MACROD2: variants seen among roughly 807,000 people sequenced by gnomAD.
MACROD2 encodes the protein mono-ADP ribosylhydrolase 2, also known as ADP-ribose glycohydrolase MACROD2.
In MACROD2, 36 loss-of-function variants were observed where a neutral mutation model predicts 70.4. That is an observed-to-expected ratio of 0.51 (90% CI 0.39 to 0.68). MACROD2 has a LOEUF of 0.68. Among genes scored for constraint, MACROD2 ranks in the 30% least tolerant of loss-of-function variants. MACROD2 has a pLI of 0.00. For missense variants in MACROD2, 496 were observed against 538.4 expected (o/e 0.92, Z 0.78); for synonymous variants, 172 against 178.8 (o/e 0.96, Z 0.30).
At chr20:14,890,107 T>C (rs1348495581) in intron 5 of MACROD2, among the ~76,000 whole-genome samples, 1 of 152,110 alleles carries the variant, frequency 6.6e-6, no homozygotes, top group African/African-American at 2.4e-5. Context: ...CGCTTCCAGC[T>C]GTTATGGAAA....
intron 5 of MACROD2, among the ~76,000 whole-genome samples, chr20:15,048,798 C>A (rs1016450266): frequency 2.6e-5 from 4 of 152,030 alleles, no homozygotes; most frequent in Non-Finnish European, 5.9e-5. Context: ...TCAACATACC[C>A]CCATCCACAT....
intron 3 of MACROD2, among the ~76,000 whole-genome samples, chr20:14,414,319 G>A (rs982156199): frequency 2.6e-5 from 4 of 152,022 alleles, no homozygotes; most frequent in Admixed American, 1.3e-4. Context: ...GCCCCAAACC[G>A]TAGTCGCTCT....
At chr20:14,976,153 A>G (rs1185602957) in intron 5 of MACROD2, among the ~76,000 whole-genome samples, 2 of 152,126 alleles carry the variant, frequency 1.3e-5, no homozygotes, top group Admixed American at 6.5e-5. Context: ...ATTTTTGTGT[A>G]TAAATGTTTT....
intron 7 of MACROD2, among the ~76,000 whole-genome samples, chr20:15,453,885 A>C (rs2046678717): frequency 6.6e-6 from 1 of 152,132 alleles, no homozygotes; most frequent in Non-Finnish European, 1.5e-5. Context: ...AGAAGCTTGT[A>C]GCCCCCAGAG....
chr20:15,366,511 G>C (rs2045411307), intron 6 of MACROD2, among the ~76,000 whole-genome samples: 2 of 152,106 alleles, frequency 1.3e-5, no homozygotes, highest in African/African-American at 2.4e-5. Flanking sequence ...GGCCCTTATT[G>C]TTATAGTGTT....
At chr20:14,026,060 A>T (rs1341895899) in intron 2 of MACROD2, among the ~76,000 whole-genome samples, 1 of 152,202 alleles carries the variant, frequency 6.6e-6, no homozygotes, top group Admixed American at 6.5e-5. Context: ...TAGCATAGTT[A>T]GCTCTTCTTG....
At chr20:14,615,033 T>C (rs755324376) in intron 4 of MACROD2, among the ~76,000 whole-genome samples, 1 of 152,098 alleles carries the variant, frequency 6.6e-6, no homozygotes, top group Non-Finnish European at 1.5e-5. Flanking sequence ...ACCATTGAAA[T>C]ATGAAATAAT....
intron 5 of MACROD2, among the ~76,000 whole-genome samples, chr20:14,731,004 C>CACAA (rs2071590106): frequency 8.9e-6 from 1 of 112,466 alleles, no homozygotes; most frequent in Admixed American, 1.1e-4. Flanking sequence ...CACACACACA[C>CACAA]ACACATGCAC....
intron 8 of MACROD2, among the ~76,000 whole-genome samples, chr20:15,592,659 G>A (rs2048694636): frequency 6.6e-6 from 1 of 152,164 alleles, no homozygotes; most frequent in South Asian, 2.1e-4. Flanking sequence ...AAAAGCAAGA[G>A]AACAAAGTAA....
At chr20:15,461,942 G>A (rs1308817123) in intron 7 of MACROD2, among the ~76,000 whole-genome samples, 1 of 151,386 alleles carries the variant, frequency 6.6e-6, no homozygotes, top group African/African-American at 2.4e-5. Context: ...GTAAAAATAA[G>A]ATTTTTTTTT....
intron 5 of MACROD2, among the ~76,000 whole-genome samples, chr20:15,041,384 T>A (rs1183837339): frequency 6.6e-6 from 1 of 152,158 alleles, no homozygotes; most frequent in African/African-American, 2.4e-5. Context: ...GTCATGTACT[T>A]CTAGATTTTA....
chr20:15,539,222 A>C (rs1209930321), intron 8 of MACROD2, among the ~76,000 whole-genome samples: 1 of 152,188 alleles, frequency 6.6e-6, no homozygotes, highest in African/African-American at 2.4e-5. Context: ...ATAAAACTCT[A>C]ACCAGATAAA....
chr20:15,242,638 C>T (rs539711265), intron 6 of MACROD2, among the ~76,000 whole-genome samples: 3 of 151,786 alleles, frequency 2.0e-5, no homozygotes, highest in Admixed American at 6.6e-5. Flanking sequence ...TTTAAGCTAT[C>T]GTAAGAAAAC....
At chr20:14,913,015 C>T (rs868182628) in intron 5 of MACROD2, among the ~76,000 whole-genome samples, 6 of 152,158 alleles carry the variant, frequency 3.9e-5, no homozygotes, top group Middle Eastern at 3.4e-3. Flanking sequence ...TCTTCTATAG[C>T]CCTGTTCAGT....
At chr20:15,168,679 T>G (rs1348665982) in intron 5 of MACROD2, among the ~76,000 whole-genome samples, 1 of 152,096 alleles carries the variant, frequency 6.6e-6, no homozygotes, top group Non-Finnish European at 1.5e-5. Context: ...AATGAAATAT[T>G]ACTTAGCCAT....
In MACROD2 at chr20:15,324,523, T is replaced by G. The variant is rs183615822; in HGVS notation, c.540+94462T>G. ...ATTTGCCAAAAACATTGTCAACTCT[T>G]TGATGGCATAGACCCTGCAATTAAG... On this transcript the variant is annotated intron_variant, in intron 6 of 17. Coordinates refer to ENST00000684519, the MANE Select transcript of MACROD2 (RefSeq NM_001351661.2). 5.3e-5 allele frequency among the ~76,000 whole-genome samples: 8 copies of G among 152,318 alleles called. No homozygotes were observed. The East Asian group carries it at 1.4e-3, about 26-fold the overall frequency.
At chr20:14,303,312 A>T (rs2082492315) in intron 3 of MACROD2, among the ~76,000 whole-genome samples, 1 of 152,116 alleles carries the variant, frequency 6.6e-6, no homozygotes, top group South Asian at 2.1e-4. Context: ...AATCTGCCTG[A>T]CGCTGGCCGT....
At chr20:15,267,940 A>G (rs748960540) in intron 6 of MACROD2, among the ~76,000 whole-genome samples, 41 of 152,178 alleles carry the variant, frequency 2.7e-4, no homozygotes, top group Non-Finnish European at 2.1e-4. Context: ...GTTTGGCCCA[A>G]TAAATTCTGT....
chr20:14,507,101 T>C (rs560905583), intron 4 of MACROD2, among the ~76,000 whole-genome samples: 84 of 152,192 alleles, frequency 5.5e-4, no homozygotes, highest in Non-Finnish European at 1.1e-3. Flanking sequence ...TGGTGATTAC[T>C]GTAGACCAGT....
Sources: gnomAD v4.1 joint callset for allele counts (sites outside exome capture counted in the v4.1 genomes callset) on GRCh38, gnomAD v4.1.1 for gene constraint, MANE v1.5 for transcripts, NCBI Gene and HGNC (gene_info 2026-07-23, HGNC 2026-07-21) for gene names.